CDH2: variants seen among roughly 807,000 people sequenced by gnomAD.
The protein encoded by CDH2 is cadherin-2.
Under a neutral mutation model 92.0 loss-of-function variants are expected in CDH2, and 17 were observed. The observed-to-expected ratio is 0.18, with a 90% CI of 0.13 to 0.28. The LOEUF (loss-of-function observed/expected upper bound fraction) is 0.28. Ranked by LOEUF, CDH2 falls within the 10% of genes least tolerant of loss-of-function variation. The pLI is 1.00. For missense variants in CDH2, 862 were observed against 1,133.1 expected (o/e 0.76, Z 3.44); for synonymous variants, 419 against 415.9 (o/e 1.01, Z -0.09).
intron 2 of CDH2, among the ~76,000 whole-genome samples, chr18:28,030,494 C>G (rs924334047): frequency 6.6e-6 from 1 of 151,924 alleles, no homozygotes; most frequent in Non-Finnish European, 1.5e-5. Context: ...AAAGTAAAAA[C>G]AAACAAACAA....
At chr18:27,961,912 A>T (rs1323563870) in intron 15 of CDH2, among the ~76,000 whole-genome samples, 1 of 152,084 alleles carries the variant, frequency 6.6e-6, no homozygotes, top group East Asian at 1.9e-4. Flanking sequence ...CCAGCCTGGG[A>T]AACAGGCTGG....
intron 2 of CDH2, among the ~76,000 whole-genome samples, chr18:28,111,255 A>G (rs1015149234): frequency 2.6e-5 from 4 of 152,228 alleles, no homozygotes; most frequent in African/African-American, 7.2e-5. Flanking sequence ...TCTGTCCCGG[A>G]GCCCACTTGC....
chr18:27,958,562 T>C (rs927090448), intron 15 of CDH2, among the ~76,000 whole-genome samples: 1 of 150,194 alleles, frequency 6.7e-6, no homozygotes, highest in African/African-American at 2.4e-5. Context: ...TATATTTATA[T>C]ATGTGTATAT....
chr18:27,989,094 A>G (rs2298574), intron 10 of CDH2, among the ~76,000 whole-genome samples: 10,523 of 152,266 alleles, frequency 0.069, 400 homozygotes, highest in South Asian at 0.091. Context: ...GAACACTCCT[A>G]AAACATTTTA....
chr18:28,140,062 T>G (rs936151094), intron 2 of CDH2, among the ~76,000 whole-genome samples: 2 of 151,982 alleles, frequency 1.3e-5, no homozygotes, highest in African/African-American at 2.4e-5. Flanking sequence ...CTCTCCCACA[T>G]ACACATTCAG....
chr18:28,157,321 A>G (rs1351172783), intron 1 of CDH2, among the ~76,000 whole-genome samples: 1 of 152,206 alleles, frequency 6.6e-6, no homozygotes, highest in Non-Finnish European at 1.5e-5. Context: ...TCATTCAACT[A>G]AAGACACTCA....
At chr18:28,001,173 C>A (rs1038928252) in intron 7 of CDH2, among the ~76,000 whole-genome samples, 2 of 152,218 alleles carry the variant, frequency 1.3e-5, no homozygotes, top group African/African-American at 4.8e-5. Flanking sequence ...TAGTGAACAG[C>A]TTCTCTATCC....
At chr18:28,069,105 C>T (rs1215050487) in intron 2 of CDH2, among the ~76,000 whole-genome samples, 3 of 152,130 alleles carry the variant, frequency 2.0e-5, no homozygotes, top group Non-Finnish European at 4.4e-5. Flanking sequence ...TTCATCTCAA[C>T]CACTTTGAAA....
chr18:28,003,654 C>T (rs2012834032), intron 6 of CDH2, among the ~76,000 whole-genome samples: 1 of 152,240 alleles, frequency 6.6e-6, no homozygotes, highest in Non-Finnish European at 1.5e-5. Flanking sequence ...CAGAAAGCAG[C>T]ACACTCCATT....
In CDH2 at chr18:27,992,694, G is replaced by A. The variant is rs146361482; in HGVS notation, c.1305C>T (p.Thr435=). The change falls in exon 9 of 16, where the codon ACC becomes ACT. Residue 435 remains threonine (T), a synonymous_variant. Transcript: ENST00000269141. ...GDPTGRFAIQ[T]DPNSNDGLVT... ...CTAACCCGTCGTTGCTGTTTGGGTC[G>A]GTCTGGATGGCGAACCGTCCAGTAG... The A allele has an allele frequency of 3.5e-5, 56 of 1,613,480 alleles. 2 individuals carry two copies. In the African/African-American group the frequency reaches 6.3e-4, roughly 18 times the overall value.
chr18:27,960,982 T>C (rs1488530008), intron 15 of CDH2, among the ~76,000 whole-genome samples: 3 of 151,838 alleles, frequency 2.0e-5, no homozygotes, highest in African/African-American at 7.3e-5. Context: ...GTGAAACTTA[T>C]TGACTAGATG....
chr18:28,015,940 G>A (rs185243204), intron 2 of CDH2, among the ~76,000 whole-genome samples: 65 of 152,198 alleles, frequency 4.3e-4, no homozygotes, highest in Admixed American at 2.5e-3. Context: ...ACTGCCTGGC[G>A]AGAGAGGCTG....
chr18:28,171,388 T>TA (rs1001567264), intron 1 of CDH2, among the ~76,000 whole-genome samples: 2 of 151,868 alleles, frequency 1.3e-5, no homozygotes, highest in African/African-American at 4.8e-5. Flanking sequence ...ATAAAACTAA[T>TA]AAAAAAAATT....
At chr18:28,068,274 G>A (rs749386336) in intron 2 of CDH2, among the ~76,000 whole-genome samples, 3 of 152,166 alleles carry the variant, frequency 2.0e-5, no homozygotes, top group Non-Finnish European at 2.9e-5. Context: ...AGTAAAAGAA[G>A]AAATAAAAAT....
At chr18:27,952,673 C>G (rs554065036) in intron 15 of CDH2, among the ~76,000 whole-genome samples, 9 of 152,194 alleles carry the variant, frequency 5.9e-5, no homozygotes, top group African/African-American at 1.9e-4. Context: ...CTGCTTGAGG[C>G]AGAGAAGAAA....
chr18:27,985,561 T>C lies in CDH2; in HGVS notation c.1942A>G (p.Ile648Val). The change falls in exon 12 of 16, where the codon ATT becomes GTT. Residue 648 changes from isoleucine to valine, a missense_variant. This residue lies in a region of CDH2 where 564 missense variants were observed against 722.2 expected (regional missense o/e 0.78). Coordinates refer to ENST00000269141, the MANE Select transcript of CDH2 (RefSeq NM_001792.5). ...AFDLPLSPVT[I>V]KRNWTITRLN... ...CGAGTGATGGTCCAATTTCTCTTAATAGTCACTGGAGATAAAGGAAGATCA... is the reference window on the plus strand; with the variant it reads ...CGAGTGATGGTCCAATTTCTCTTAACAGTCACTGGAGATAAAGGAAGATCA... 6.2e-7 allele frequency: 1 copy of C among 1,612,648 alleles called. No individual in the cohort carries two copies. Among genetic ancestry groups the C allele is most frequent in the Non-Finnish European group, 8.5e-7 (1 of 1,178,658 alleles).
At chr18:28,019,435 A>G (rs918820279) in intron 2 of CDH2, among the ~76,000 whole-genome samples, 9 of 152,124 alleles carry the variant, frequency 5.9e-5, no homozygotes, top group African/African-American at 2.2e-4. Flanking sequence ...GACAGACAGA[A>G]GCGGGGATTT....
At chr18:28,034,860 A>C (rs1330645088) in intron 2 of CDH2, among the ~76,000 whole-genome samples, 1 of 152,058 alleles carries the variant, frequency 6.6e-6, no homozygotes, top group African/African-American at 2.4e-5. Flanking sequence ...TTCAAGTTCC[A>C]AATTCTATAT....
chr18:27,987,671 T>C (rs1044495932), intron 11 of CDH2, among the ~76,000 whole-genome samples: 2 of 152,234 alleles, frequency 1.3e-5, no homozygotes, highest in East Asian at 3.8e-4. Context: ...AATACTTAGT[T>C]GAGTGGTTAG....
Sources: gnomAD v4.1 joint callset for allele counts (sites outside exome capture counted in the v4.1 genomes callset) on GRCh38, gnomAD v4.1.1 for gene constraint, gnomAD v4.1.1 regional missense constraint, MANE v1.5 for transcripts, NCBI Gene and HGNC (gene_info 2026-07-23, HGNC 2026-07-21) for gene names.